The following ARHGAP10 variants were observed in gnomAD, a reference collection of about 807,000 sequenced individuals.
ARHGAP10 encodes Rho GTPase activating protein 10, also known as rho GTPase-activating protein 10.
Under a neutral mutation model 108.6 loss-of-function variants are expected in ARHGAP10, and 87 were observed. The ratio of observed to expected loss-of-function variants is 0.80; its 90% CI spans 0.67 to 0.96. The LOEUF (loss-of-function observed/expected upper bound fraction) is 0.96, where lower values mean the gene tolerates loss of function less well. ARHGAP10 is among the 40% of genes least tolerant of loss of function. The probability of loss-of-function intolerance (pLI) is 0.00; values close to 1 mark genes in which losing one functional copy is unlikely to be tolerated. For missense variants in ARHGAP10, 939 were observed against 954.5 expected (o/e 0.98, Z 0.21); for synonymous variants, 347 against 341.1 (o/e 1.02, Z -0.19).
chr4:147,776,899 T>C (rs74320883), intron 1 of ARHGAP10, among the ~76,000 whole-genome samples: 2,306 of 152,322 alleles, frequency 0.015, 31 homozygotes, highest in Non-Finnish European at 0.024. Flanking sequence ...ACGATAGTAC[T>C]ATGGTAAAAG....
chr4:147,801,308 C>T (rs1051312463), intron 1 of ARHGAP10, among the ~76,000 whole-genome samples: 2 of 152,196 alleles, frequency 1.3e-5, no homozygotes, highest in Non-Finnish European at 2.9e-5. Flanking sequence ...TTAGACTCCT[C>T]TTAATGAATC....
chr4:147,777,241 G>A (rs1291305065), intron 1 of ARHGAP10, among the ~76,000 whole-genome samples: 1 of 151,484 alleles, frequency 6.6e-6, no homozygotes, highest in Non-Finnish European at 1.5e-5. Context: ...GGATAGAATC[G>A]TCTGGGTAGG....
chr4:147,938,047 T>G (rs898237944), intron 13 of ARHGAP10, among the ~76,000 whole-genome samples: 1 of 152,184 alleles, frequency 6.6e-6, no homozygotes, highest in Non-Finnish European at 1.5e-5. Flanking sequence ...GGAACGAGGA[T>G]CATGTCCTTT....
intron 3 of ARHGAP10, among the ~76,000 whole-genome samples, chr4:147,824,622 C>T (rs1732633193): frequency 6.6e-6 from 1 of 151,908 alleles, no homozygotes; most frequent in Non-Finnish European, 1.5e-5. Context: ...AAAGGAGAAG[C>T]TGGCACCTTC....
At chr4:147,948,312 A>G (rs1235635718) in intron 15 of ARHGAP10, among the ~76,000 whole-genome samples, 4 of 152,166 alleles carry the variant, frequency 2.6e-5, no homozygotes, top group African/African-American at 9.7e-5. Context: ...GTCATTTTTA[A>G]AAAGTCAGTC....
intron 18 of ARHGAP10, among the ~76,000 whole-genome samples, chr4:147,992,039 G>C (rs187697820): frequency 6.6e-6 from 1 of 152,176 alleles, no homozygotes; most frequent in Non-Finnish European, 1.5e-5. Flanking sequence ...TGGCCATTAC[G>C]GGTTAAGGAA....
intron 4 of ARHGAP10, among the ~76,000 whole-genome samples, chr4:147,847,874 A>T (rs1733699479): frequency 6.6e-6 from 1 of 152,242 alleles, no homozygotes; most frequent in Non-Finnish European, 1.5e-5. Context: ...CAACTTATTT[A>T]AAATGTGCAA....
chr4:148,028,989 A>T (rs1279117465), intron 19 of ARHGAP10, among the ~76,000 whole-genome samples: 1 of 152,206 alleles, frequency 6.6e-6, no homozygotes, highest in African/African-American at 2.4e-5. Context: ...TCTTTCCATC[A>T]AAAGGAAGGA....
At chr4:147,776,715 T>C (rs1730305479) in intron 1 of ARHGAP10, among the ~76,000 whole-genome samples, 1 of 152,148 alleles carries the variant, frequency 6.6e-6, no homozygotes. Flanking sequence ...CTCTGCTGCT[T>C]CTGTTGGGTG....
At chr4:147,808,629 G>T (rs909254347) in intron 1 of ARHGAP10, among the ~76,000 whole-genome samples, 1 of 152,162 alleles carries the variant, frequency 6.6e-6, no homozygotes, top group Non-Finnish European at 1.5e-5. Context: ...AGATCCGTGG[G>T]ATGTTTGCAT....
chr4:147,918,727 A>C (rs549267612), intron 13 of ARHGAP10, among the ~76,000 whole-genome samples: 1 of 152,310 alleles, frequency 6.6e-6, no homozygotes, highest in East Asian at 1.9e-4. Flanking sequence ...ATTCACTATC[A>C]CTGGGAGTAG....
chr4:148,037,833 CAAA>C (rs58928158), intron 19 of ARHGAP10, among the ~76,000 whole-genome samples: 1 of 109,868 alleles, frequency 9.1e-6, no homozygotes. Context: ...GACTCCGTCT[CAAA>C]AAAAAAAAAA....
At chr4:147,784,286 TTA>T (rs1004101494) in intron 1 of ARHGAP10, among the ~76,000 whole-genome samples, 3 of 137,370 alleles carry the variant, frequency 2.2e-5, no homozygotes, top group Admixed American at 1.6e-4. Flanking sequence ...TAACATTAAA[TTA>T]TATAATTTAC....
intron 17 of ARHGAP10, among the ~76,000 whole-genome samples, chr4:147,965,466 G>A (rs982062347): frequency 6.6e-6 from 1 of 152,154 alleles, no homozygotes; most frequent in African/African-American, 2.4e-5. Flanking sequence ...ATTTGAACAT[G>A]TCCTTTAAGT....
chr4:148,023,584 C>T (rs866862585), intron 19 of ARHGAP10, among the ~76,000 whole-genome samples, 171 bp downstream of exon 19: 1 of 152,104 alleles, frequency 6.6e-6, no homozygotes, highest in Non-Finnish European at 1.5e-5. Context: ...AGGGAGAAAA[C>T]GCAAGTTTCG....
intron 19 of ARHGAP10, among the ~76,000 whole-genome samples, chr4:148,032,917 C>T (rs554698469): frequency 6.6e-6 from 1 of 152,256 alleles, no homozygotes; most frequent in Admixed American, 6.5e-5. Context: ...AGTCCTCCAC[C>T]TTCTTCTGCC....
chr4:147,897,354 T>G (rs1736034621), intron 10 of ARHGAP10, among the ~76,000 whole-genome samples: 1 of 152,014 alleles, frequency 6.6e-6, no homozygotes, highest in South Asian at 2.1e-4. Flanking sequence ...CTTCCTTCCT[T>G]GGCTTCCTAA....
chr4:147,752,065 A>G (rs987702695), intron 1 of ARHGAP10, among the ~76,000 whole-genome samples: 1 of 151,882 alleles, frequency 6.6e-6, no homozygotes, highest in African/African-American at 2.4e-5. Context: ...TTGTATTTTT[A>G]GTAGAGACAG....
chr4:147,807,912 G>A (rs1200820443), intron 1 of ARHGAP10, among the ~76,000 whole-genome samples: 1 of 152,204 alleles, frequency 6.6e-6, no homozygotes, highest in Non-Finnish European at 1.5e-5. Context: ...TCCTCCTTTG[G>A]TTGTATGGGT....
Sources: allele counts gnomAD v4.1 joint callset (sites outside exome capture counted in the v4.1 genomes callset), GRCh38; gene constraint gnomAD v4.1.1; transcripts MANE v1.5; gene names NCBI Gene and HGNC (gene_info 2026-07-23, HGNC 2026-07-21).